FBN2: variants seen among roughly 807,000 people sequenced by gnomAD.
FBN2 encodes fibrillin-2.
Under a neutral mutation model 355.6 loss-of-function variants are expected in FBN2, and 105 were observed. The ratio of observed to expected loss-of-function variants is 0.30; its 90% CI spans 0.25 to 0.35. The LOEUF (loss-of-function observed/expected upper bound fraction) is 0.35. Ranked by LOEUF, FBN2 falls within the 10% of genes least tolerant of loss-of-function variation. The probability of loss-of-function intolerance (pLI) is 1.00; values close to 1 mark genes in which losing one functional copy is unlikely to be tolerated. For missense variants in FBN2, 3,280 were observed against 3,758.7 expected (o/e 0.87, Z 3.33); for synonymous variants, 1,350 against 1,301.2 (o/e 1.04, Z -0.81).
intron 62 of FBN2, 52 bp downstream of exon 62, chr5:128,271,947 G>A: frequency 6.2e-7 from 1 of 1,605,340 alleles, no homozygotes; most frequent in Non-Finnish European, 8.5e-7. Flanking sequence ...ATCTTATTCA[G>A]AGACACTTTC....
At chr5:128,377,316 A>G (rs1252479042) in intron 13 of FBN2, among the ~76,000 whole-genome samples, 3 of 152,122 alleles carry the variant, frequency 2.0e-5, no homozygotes, top group Non-Finnish European at 4.4e-5. Flanking sequence ...ACAGTTTTAG[A>G]GATTTGTGTA....
chr5:128,447,423 A>G (rs777489639), intron 6 of FBN2, among the ~76,000 whole-genome samples: 5 of 152,230 alleles, frequency 3.3e-5, no homozygotes, highest in Non-Finnish European at 2.9e-5. Flanking sequence ...TTACAGTTGT[A>G]GATAAGGGAT....
At chr5:128,509,509 T>C (rs988768047) in intron 5 of FBN2, among the ~76,000 whole-genome samples, 5 of 152,180 alleles carry the variant, frequency 3.3e-5, no homozygotes. Context: ...TAATAACTAC[T>C]TTCATCTTCC....
chr5:128,416,814 T>C (rs1753212679), intron 7 of FBN2, among the ~76,000 whole-genome samples: 1 of 152,186 alleles, frequency 6.6e-6, no homozygotes, highest in Non-Finnish European at 1.5e-5. Flanking sequence ...TAATATATTT[T>C]TGAAGTCAGG....
At chr5:128,490,697 C>G (rs191897284) in intron 5 of FBN2, among the ~76,000 whole-genome samples, 226 of 152,276 alleles carry the variant, frequency 1.5e-3, no homozygotes, top group African/African-American at 5.1e-3. Context: ...AAGGAAAACA[C>G]TGAGCATCTA....
At chr5:128,485,361 T>C (rs183208551) in intron 5 of FBN2, among the ~76,000 whole-genome samples, 2 of 152,240 alleles carry the variant, frequency 1.3e-5, no homozygotes, top group Admixed American at 6.5e-5. Context: ...CATAGTAGTA[T>C]TTTTTTATTG....
At chr5:128,456,144 T>C (rs1375915330) in intron 6 of FBN2, among the ~76,000 whole-genome samples, 2 of 152,028 alleles carry the variant, frequency 1.3e-5, no homozygotes, top group African/African-American at 4.8e-5. Context: ...GTCCCAAGAC[T>C]TGTCCTCACA....
At position 128,311,421 on chromosome 5, in the gene FBN2, A is replaced by T; in HGVS notation, c.4953T>A (p.Ile1651=). ...GACCTGGTAACTCCTGGCATTCGTC[A>T]ATGTCTACAAAAAGGGAGACAGTGC... ...PNPITIILED[I]DECQELPGLC... Residue 1651 remains isoleucine, a synonymous_variant, in exon 39 of 65, where the codon ATT becomes ATA. Coordinates refer to ENST00000262464, the MANE Select transcript of FBN2 (RefSeq NM_001999.4). The T allele has an allele frequency of 6.2e-7, 1 of 1,614,136 alleles. No individual in the cohort carries two copies. The highest frequency in any genetic ancestry group is 8.5e-7 in the Non-Finnish European group (1 of 1,179,988).
At chr5:128,277,522 G>A (rs1765424739) in intron 58 of FBN2, among the ~76,000 whole-genome samples, 1 of 152,066 alleles carries the variant, frequency 6.6e-6, no homozygotes, top group Non-Finnish European at 1.5e-5. Context: ...AAACAAATGT[G>A]CACTTTAAAT....
At chr5:128,494,480 G>A (rs1755598805) in intron 5 of FBN2, among the ~76,000 whole-genome samples, 1 of 152,128 alleles carries the variant, frequency 6.6e-6, no homozygotes, top group Non-Finnish European at 1.5e-5. Context: ...AATTTATCCT[G>A]CAAAGGGTCC....
Position 128,276,163 on chromosome 5 carries a change from A to T in FBN2, c.7472-3T>A. The T allele has an allele frequency of 6.2e-7, 1 of 1,613,424 alleles. No homozygotes were observed. The highest frequency in any genetic ancestry group is 8.5e-7 in the Non-Finnish European group (1 of 1,179,478). On this transcript the variant is annotated splice_polypyrimidine_tract_variant and splice_region_variant and intron_variant, in intron 58 of 64. Coordinates refer to ENST00000262464, the MANE Select transcript of FBN2 (RefSeq NM_001999.4). ...GGACTGGGAGCATTCATCAAGGTCT[A>T]AGTAAAAGTGATGTGAAGATTAAAT...
chr5:128,314,500 TAG>T (rs945698311), intron 36 of FBN2, among the ~76,000 whole-genome samples: 32 of 152,212 alleles, frequency 2.1e-4, no homozygotes, highest in Admixed American at 1.7e-3. Flanking sequence ...GTATTTTTAG[TAG>T]AGACGGGGTT....
intron 4 of FBN2, among the ~76,000 whole-genome samples, chr5:128,523,580 T>C (rs1030631780): frequency 6.6e-6 from 1 of 151,958 alleles, no homozygotes; most frequent in African/African-American, 2.4e-5. Flanking sequence ...AAGATCAGAG[T>C]TCATAGATCT....
intron 2 of FBN2, among the ~76,000 whole-genome samples, chr5:128,531,720 G>GTATATA (rs1220360480): frequency 3.5e-5 from 5 of 143,160 alleles, no homozygotes; most frequent in African/African-American, 1.3e-4. Context: ...ATATGTATGT[G>GTATATA]TGTATATATA....
chr5:128,419,886 G>A (rs569655948), intron 7 of FBN2, among the ~76,000 whole-genome samples: 26 of 152,202 alleles, frequency 1.7e-4, no homozygotes, highest in South Asian at 1.7e-3. Flanking sequence ...GTAGAGATGA[G>A]GTTTCTCCAT....
At chr5:128,352,829 T>C (rs1315645578) in intron 20 of FBN2, among the ~76,000 whole-genome samples, 2 of 152,216 alleles carry the variant, frequency 1.3e-5, no homozygotes, top group Non-Finnish European at 2.9e-5. Context: ...AGAATAAGTG[T>C]ATTCCTATAG....
chr5:128,483,770 A>G (rs971652023), intron 5 of FBN2, among the ~76,000 whole-genome samples: 1 of 152,192 alleles, frequency 6.6e-6, no homozygotes, highest in Non-Finnish European at 1.5e-5. Flanking sequence ...CATATTTCAT[A>G]TAAATCAATG....
intron 3 of FBN2, among the ~76,000 whole-genome samples, chr5:128,530,171 T>A (rs1266661372): frequency 6.6e-6 from 1 of 152,184 alleles, no homozygotes; most frequent in Non-Finnish European, 1.5e-5. Flanking sequence ...ACAGTTATAA[T>A]TATCTTATGA....
At position 128,261,994 on chromosome 5, in the gene FBN2, G is replaced by T. The variant is rs1029872845; in HGVS notation, c.8193-87C>A. On this transcript the variant is annotated intron_variant, in intron 63 of 64. Coordinates refer to ENST00000262464, the MANE Select transcript of FBN2 (RefSeq NM_001999.4). ...GGTAGAGCAGACTCTTCAGAAACACGAAACCAACAGAGCAAACACTAAACT... is the reference window on the plus strand; with the variant it reads ...GGTAGAGCAGACTCTTCAGAAACACTAAACCAACAGAGCAAACACTAAACT... The T allele has an allele frequency of 1.6e-5, 16 of 994,494 alleles. No individual in the cohort carries two copies. In the East Asian group the frequency reaches 3.6e-4, roughly 22 times the overall value. 61.6% of individuals were successfully genotyped at this position (994,494 alleles called of 1,614,324 possible).
Sources: allele counts gnomAD v4.1 joint callset (sites outside exome capture counted in the v4.1 genomes callset), GRCh38; gene constraint gnomAD v4.1.1; transcripts MANE v1.5; gene names NCBI Gene and HGNC (gene_info 2026-07-23, HGNC 2026-07-21).